DNAJB14: variants seen among roughly 807,000 people sequenced by gnomAD.
DNAJB14 encodes the protein DnaJ heat shock protein family (Hsp40) member B14.
Under a neutral mutation model 48.4 loss-of-function variants are expected in DNAJB14, and 22 were observed. The ratio of observed to expected loss-of-function variants is 0.45; its 90% CI spans 0.32 to 0.65. The LOEUF is 0.65. DNAJB14 is among the 30% of genes least tolerant of loss of function. The pLI is 0.03. For missense variants in DNAJB14, 319 were observed against 458.8 expected (o/e 0.70, Z 2.78); for synonymous variants, 142 against 158.7 (o/e 0.89, Z 0.79).
chr4:99,915,287 G>A (rs1009054310), intron 3 of DNAJB14, among the ~76,000 whole-genome samples: 2 of 152,116 alleles, frequency 1.3e-5, no homozygotes, highest in Middle Eastern at 6.8e-3. Flanking sequence ...ACAGGCGCCC[G>A]CCACCACGCC....
At chr4:99,936,794 T>G (rs929831700) in intron 1 of DNAJB14, among the ~76,000 whole-genome samples, 1 of 152,168 alleles carries the variant, frequency 6.6e-6, no homozygotes, top group South Asian at 2.1e-4. Context: ...AATGACAGAT[T>G]AAATCGGAAA....
At chr4:99,901,287 C>A in intron 7 of DNAJB14, 135 bp from the exon 8 acceptor site, 1 of 833,498 alleles carries the variant, frequency 1.2e-6, no homozygotes, top group Non-Finnish European at 1.7e-6. Flanking sequence ...AGTACAATTC[C>A]TAAAAGCCAT....
chr4:99,918,701 C>T (rs72915012), intron 3 of DNAJB14, among the ~76,000 whole-genome samples: 2,106 of 152,242 alleles, frequency 0.014, 45 homozygotes, highest in African/African-American at 0.047. Flanking sequence ...CCTCCACTTA[C>T]GTCTCCCTGG....
intron 6 of DNAJB14, among the ~76,000 whole-genome samples, chr4:99,904,554 C>T (rs1725401948): frequency 6.6e-6 from 1 of 152,072 alleles, no homozygotes; most frequent in South Asian, 2.1e-4. Flanking sequence ...CAAGACATCT[C>T]ATAAAATATA....
Position 99,903,809 on chromosome 4 carries a change from A to G in DNAJB14, c.932T>C (p.Met311Thr), listed in dbSNP as rs1578211593. The change falls in exon 7 of 8, where the codon ATG (methionine) becomes ACG (threonine). Residue 311 changes from methionine (M) to threonine (T), a missense_variant. Around this residue, in one of 3 missense-constraint regions of DNAJB14, gnomAD observed 166 missense variants for 236.3 expected, o/e 0.70. Coordinates refer to ENST00000442697, the MANE Select transcript of DNAJB14 (RefSeq NM_001031723.4). ...ACTCTTTTCTACCTTTTGTAATAAC[A>G]TTCCTTTATATTCATTTTTGAAGTC... is the stretch of plus-strand genomic sequence containing the variant. ...NKDFKNEYKG[M>T]LLQKVEKSVE... The G allele has an allele frequency of 6.2e-7, 1 of 1,612,986 alleles. No individual in the cohort carries two copies. Among genetic ancestry groups the G allele is most frequent in the Non-Finnish European group, 8.5e-7 (1 of 1,179,412 alleles).
chr4:99,896,995 A>G lies in DNAJB14; in HGVS notation c.*4033T>C, dbSNP rs1398151479. The G allele has an allele frequency of 6.6e-6, 1 of 152,106 alleles. No homozygotes were observed. Among genetic ancestry groups the G allele is most frequent in the African/African-American group, 2.4e-5 (1 of 41,454 alleles). The allele number at this position is 152,106 out of a possible 1,614,324, so 9.4% of individuals were successfully genotyped here. A position where few individuals can be genotyped will look rare whatever the true frequency, so the allele number is the denominator to read the frequency against. ...TATAGAAAGATATAATTATGTTTGAAGCATGGGCCTTATAATAGGAATCTC... is the reference window on the plus strand; with the variant it reads ...TATAGAAAGATATAATTATGTTTGAGGCATGGGCCTTATAATAGGAATCTC... On this transcript the variant is annotated 3_prime_UTR_variant, in exon 8 of 8. Coordinates refer to ENST00000442697, the MANE Select transcript of DNAJB14 (RefSeq NM_001031723.4).
At chr4:99,906,722 G>T in intron 4 of DNAJB14, 111 bp from the exon 5 acceptor site, 1 of 805,738 alleles carries the variant, frequency 1.2e-6, no homozygotes, top group Non-Finnish European at 1.9e-6. Context: ...TAATGCATGT[G>T]TATTTTCAGT....
chr4:99,905,832 G>T (rs1725444828), intron 5 of DNAJB14, 126 bp from the exon 6 acceptor site: 15 of 1,253,368 alleles, frequency 1.2e-5, no homozygotes, highest in Non-Finnish European at 1.6e-5. Flanking sequence ...TTTCAAATCT[G>T]CGTAACCATG....
intron 1 of DNAJB14, among the ~76,000 whole-genome samples, chr4:99,940,951 A>T (rs191804019): frequency 0.033 from 4,954 of 148,114 alleles, 163 homozygotes; most frequent in African/African-American, 0.084. Context: ...ATATATATAT[A>T]TTTTTTTTTT....
At chr4:99,912,540 C>T (rs1578217770) in intron 3 of DNAJB14, among the ~76,000 whole-genome samples, 2 of 151,910 alleles carry the variant, frequency 1.3e-5, no homozygotes, top group South Asian at 2.1e-4. Flanking sequence ...AGCGCAACGG[C>T]GCGATCTCGG....
chr4:99,905,986 C>G (rs193291408), intron 5 of DNAJB14: 95 of 1,291,474 alleles, frequency 7.4e-5, no homozygotes, highest in East Asian at 1.6e-4. Context: ...TCCCTCCCCC[C>G]CACACACAGA....
intron 1 of DNAJB14, among the ~76,000 whole-genome samples, chr4:99,933,633 G>A (rs896047118): frequency 2.0e-5 from 3 of 152,018 alleles, no homozygotes; most frequent in African/African-American, 2.4e-5. Context: ...GTCTGCAATC[G>A]CAATGAACGG....
At chr4:99,926,512 A>G (rs1317800229) in intron 2 of DNAJB14, 3 of 152,186 alleles carry the variant, frequency 2.0e-5, no homozygotes, top group African/African-American at 7.2e-5. Flanking sequence ...AATGCAAAAA[A>G]TAAAAGGTAA....
intron 1 of DNAJB14, among the ~76,000 whole-genome samples, chr4:99,943,107 C>G (rs1578242567): frequency 6.6e-6 from 1 of 152,270 alleles, no homozygotes; most frequent in East Asian, 1.9e-4. Flanking sequence ...TCTCTGAGTA[C>G]TGGCATATAA....
intron 3 of DNAJB14, chr4:99,910,251 T>A (rs966730123): frequency 3.3e-5 from 5 of 152,066 alleles, no homozygotes; most frequent in African/African-American, 1.2e-4. Context: ...AGATACTTTC[T>A]TCAGATTCTC....
Position 99,900,622 on chromosome 4 carries a change from T to A in DNAJB14, c.*406A>T, listed in dbSNP as rs1409018136. 1.3e-5 allele frequency: 2 copies of A among 153,954 alleles called. No homozygotes were observed. The allele number at this position is 153,954 out of a possible 1,614,324, so 9.5% of individuals were successfully genotyped here. On this transcript the variant is annotated 3_prime_UTR_variant, in exon 8 of 8. Transcript: ENST00000442697. The stretch of plus-strand genomic sequence containing the variant: ...TATTCCATCAATTTAAACTGAAGTG[T>A]CTCATGGAGCTAAACACTAAAAGAA...
chr4:99,927,878 G>T (rs1219530564), intron 2 of DNAJB14: 1 of 152,094 alleles, frequency 6.6e-6, no homozygotes, highest in Non-Finnish European at 1.5e-5. Context: ...CATACATCAT[G>T]TAAGTGTTTG....
chr4:99,920,929 T>C (rs1233395994), intron 3 of DNAJB14, among the ~76,000 whole-genome samples: 1 of 152,212 alleles, frequency 6.6e-6, no homozygotes, highest in Admixed American at 6.5e-5. Flanking sequence ...AATAGTATTG[T>C]CTTTGCTCAG....
intron 7 of DNAJB14, among the ~76,000 whole-genome samples, chr4:99,903,120 C>T (rs72913044): frequency 0.011 from 1,626 of 152,166 alleles, 30 homozygotes; most frequent in African/African-American, 0.036. Context: ...ACAATGGTCA[C>T]AAAAACAAGA....
Sources: allele counts gnomAD v4.1 joint callset (sites outside exome capture counted in the v4.1 genomes callset), GRCh38; gene constraint gnomAD v4.1.1; regional missense constraint gnomAD v4.1.1; transcripts MANE v1.5; gene names NCBI Gene and HGNC (gene_info 2026-07-23, HGNC 2026-07-21).